The following CCSER1 variants were observed in gnomAD, a reference collection of about 807,000 sequenced individuals.
The protein encoded by CCSER1 is serine-rich coiled-coil domain-containing protein 1.
CCSER1 carries 41 observed loss-of-function variants against 82.0 expected under a neutral mutation model. That is an observed-to-expected ratio of 0.50 (90% CI 0.39 to 0.65). The LOEUF is 0.65. CCSER1 is among the 30% of genes least tolerant of loss of function. CCSER1 has a pLI of 0.00. For missense variants in CCSER1, 1,119 were observed against 1,064.2 expected, an observed-to-expected ratio of 1.05 and a Z score of -0.72; for synonymous variants, 414 against 383.9, an observed-to-expected ratio of 1.08 and a Z score of -0.92.
intron 9 of CCSER1, among the ~76,000 whole-genome samples, chr4:90,942,322 G>A (rs1034044320): frequency 3.9e-5 from 6 of 152,094 alleles, no homozygotes; most frequent in African/African-American, 1.4e-4. Context: ...GATTATGATA[G>A]GCTATAAAAT....
At chr4:90,294,089 A>C (rs192197599) in intron 1 of CCSER1, among the ~76,000 whole-genome samples, 74 of 152,220 alleles carry the variant, frequency 4.9e-4, no homozygotes, top group African/African-American at 1.7e-3. Context: ...GAGGCAGGAA[A>C]TAGCTTGCAA....
chr4:90,752,799 CT>C (rs931865650), intron 7 of CCSER1, among the ~76,000 whole-genome samples: 2 of 152,046 alleles, frequency 1.3e-5, no homozygotes, highest in Non-Finnish European at 2.9e-5. Context: ...CAATTGCCTA[CT>C]CAGTATTTCC....
chr4:90,670,623 C>T (rs762939134), intron 6 of CCSER1, among the ~76,000 whole-genome samples: 9 of 152,026 alleles, frequency 5.9e-5, no homozygotes, highest in Non-Finnish European at 1.3e-4. Context: ...CCAACACTCA[C>T]AGCAGCTGGA....
At chr4:90,754,390 G>A (rs552079972) in intron 7 of CCSER1, among the ~76,000 whole-genome samples, 1 of 152,160 alleles carries the variant, frequency 6.6e-6, no homozygotes, top group South Asian at 2.1e-4. Flanking sequence ...CAGAGAGGTG[G>A]GGATTTATTA....
At chr4:90,320,444 C>A (rs894058697) in intron 3 of CCSER1, among the ~76,000 whole-genome samples, 1 of 152,130 alleles carries the variant, frequency 6.6e-6, no homozygotes, top group Non-Finnish European at 1.5e-5. Context: ...CCAATTATGA[C>A]ATTGTTCCAG....
chr4:90,200,109 C>T (rs1250712792), intron 1 of CCSER1, among the ~76,000 whole-genome samples: 1 of 147,268 alleles, frequency 6.8e-6, no homozygotes, highest in Non-Finnish European at 1.5e-5. Flanking sequence ...TTTCTGACTG[C>T]TGTTAGCCTA....
intron 6 of CCSER1, among the ~76,000 whole-genome samples, chr4:90,654,904 G>T (rs913732792): frequency 2.6e-5 from 4 of 151,954 alleles, no homozygotes; most frequent in African/African-American, 9.7e-5. Context: ...TAAGATTGAG[G>T]TTGATTATTG....
intron 9 of CCSER1, among the ~76,000 whole-genome samples, chr4:91,029,458 C>T (rs1043395921): frequency 1.3e-5 from 2 of 151,998 alleles, no homozygotes; most frequent in Admixed American, 1.3e-4. Context: ...GATCTCCATT[C>T]AGTGAATTTA....
intron 1 of CCSER1, among the ~76,000 whole-genome samples, chr4:90,256,066 A>G (rs931327548): frequency 6.6e-6 from 1 of 152,146 alleles, no homozygotes; most frequent in East Asian, 1.9e-4. Context: ...AAGTATGCCA[A>G]AATTTTTCTT....
At chr4:90,609,109 T>C (rs532052168) in intron 5 of CCSER1, among the ~76,000 whole-genome samples, 1 of 152,128 alleles carries the variant, frequency 6.6e-6, no homozygotes, top group African/African-American at 2.4e-5. Flanking sequence ...TTTACTGCAA[T>C]TGACCATAAT....
intron 5 of CCSER1, among the ~76,000 whole-genome samples, chr4:90,491,761 T>C (rs1349190137): frequency 6.6e-6 from 1 of 152,210 alleles, no homozygotes; most frequent in Non-Finnish European, 1.5e-5. Context: ...CTTTTCTGCA[T>C]CTATTGAGAT....
rs758935164 is a variant in CCSER1, at chr4:90,914,615, C to T, written c.2095-8755C>T. The stretch of plus-strand genomic sequence containing the variant: ...GAAGCAAGAGCAAACACATTCAAAG[C>T]GAGCAGAAGGCAAGAAATAACTAAG... On this transcript the variant is annotated intron_variant, in intron 8 of 10. Coordinates refer to ENST00000509176, the MANE Select transcript of CCSER1 (RefSeq NM_001145065.2). Among the ~76,000 whole-genome samples the T allele has an allele frequency of 7.3e-5, 11 of 149,766 alleles. No homozygotes were observed. In the East Asian group the frequency reaches 1.2e-3, roughly 16 times the overall value.
chr4:90,158,821 T>A lies in CCSER1; in HGVS notation c.-42+30990T>A, dbSNP rs191296168. 1.1e-3 allele frequency among the ~76,000 whole-genome samples: 173 copies of A among 152,240 alleles called. 1 individual carries two copies. The East Asian group carries it at 0.018, about 16-fold the overall frequency. ...TAGGAAAGGGAACTCCCTGACCCCT[T>A]GTGCTTCCTGAGTGAGGCAATGCCT... On this transcript the variant is annotated intron_variant, in intron 1 of 10. Transcript: ENST00000509176.
intron 10 of CCSER1, among the ~76,000 whole-genome samples, chr4:91,174,787 C>T (rs887543332): frequency 6.6e-6 from 1 of 150,828 alleles, no homozygotes; most frequent in Non-Finnish European, 1.5e-5. Context: ...TAAGCTCCTC[C>T]TAGGCCCCAT....
At chr4:90,435,292 A>G (rs147146841) in intron 4 of CCSER1, among the ~76,000 whole-genome samples, 212 of 152,234 alleles carry the variant, frequency 1.4e-3, no homozygotes, top group African/African-American at 4.6e-3. Flanking sequence ...TAAAGATGTT[A>G]AAAATATTTG....
At chr4:90,916,403 A>G (rs1561358461) in intron 8 of CCSER1, among the ~76,000 whole-genome samples, 1 of 152,182 alleles carries the variant, frequency 6.6e-6, no homozygotes. Flanking sequence ...GACAAAAACA[A>G]GAAATGGGGA....
chr4:90,767,553 A>G (rs1412443181), intron 7 of CCSER1, among the ~76,000 whole-genome samples: 3 of 152,228 alleles, frequency 2.0e-5, no homozygotes, highest in Non-Finnish European at 4.4e-5. Context: ...TGTTGGTATC[A>G]TTAACTGGAT....
intron 7 of CCSER1, among the ~76,000 whole-genome samples, chr4:90,755,098 G>A (rs954243888): frequency 2.6e-5 from 4 of 152,124 alleles, no homozygotes; most frequent in African/African-American, 9.7e-5. Context: ...GAGCTACTCT[G>A]GAAACCCCAC....
intron 6 of CCSER1, among the ~76,000 whole-genome samples, chr4:90,717,875 C>G (rs1224852564): frequency 6.6e-6 from 1 of 151,354 alleles, no homozygotes; most frequent in Non-Finnish European, 1.5e-5. Flanking sequence ...GTTCTTGGGC[C>G]AACAGCAAGC....
Sources: gnomAD v4.1 joint callset for allele counts (sites outside exome capture counted in the v4.1 genomes callset) on GRCh38, gnomAD v4.1.1 for gene constraint, MANE v1.5 for transcripts, NCBI Gene and HGNC (gene_info 2026-07-23, HGNC 2026-07-21) for gene names.